The following PHF8 variants were observed in gnomAD, a reference collection of about 807,000 sequenced individuals.
PHF8 encodes the protein PHD finger protein 8.
A neutral mutation model predicts 74.4 loss-of-function variants in PHF8; 9 were observed. The observed-to-expected ratio is 0.12, with a 90% CI of 0.07 to 0.21. PHF8 has a LOEUF of 0.21. Among genes scored for constraint, PHF8 ranks in the 10% least tolerant of loss-of-function variants. The pLI, the probability that PHF8 is intolerant of heterozygous loss-of-function variation, is 1.00. For missense variants in PHF8, 478 were observed against 816.6 expected, an observed-to-expected ratio of 0.59 and a Z score of 5.05; for synonymous variants, 311 against 316.6, an observed-to-expected ratio of 0.98 and a Z score of 0.19.
At chrX:53,983,843 T>C (rs140600324) in intron 18 of PHF8, among the ~76,000 whole-genome samples, 5 of 112,062 alleles carry the variant, frequency 4.5e-5, no homozygotes, top group East Asian at 2.8e-4. Flanking sequence ...TGCACTGACA[T>C]TGAAAGAAAA....
intron 2 of PHF8, among the ~76,000 whole-genome samples, chrX:54,040,677 C>G (rs1557115618): frequency 9.0e-6 from 1 of 111,283 alleles, no homozygotes; most frequent in South Asian, 3.7e-4. Context: ...CTTGCTAGGA[C>G]ATAAAGAACA....
Position 53,937,286 on chromosome X carries a change from G to A in PHF8, c.*1872C>T, listed in dbSNP as rs1476618730. 1.8e-5 allele frequency: 2 copies of A among 111,331 alleles called. No individual in the cohort carries two copies. The highest frequency in any genetic ancestry group is 1.9e-5 in the Non-Finnish European group (1 of 53,051). 9.2% of individuals were successfully genotyped at this position (111,331 alleles called of 1,213,427 possible). On this transcript the variant is annotated 3_prime_UTR_variant, in exon 22 of 22. Transcript: ENST00000338154. ...AACAAAGAAATAGAGGGAAAAGGCCGGAATCGGGGGGATTTGCTAGCAATT... is the reference window on the plus strand; with the variant it reads ...AACAAAGAAATAGAGGGAAAAGGCCAGAATCGGGGGGATTTGCTAGCAATT...
At chrX:53,975,780 A>G (rs1276477974) in intron 18 of PHF8, among the ~76,000 whole-genome samples, 1 of 111,743 alleles carries the variant, frequency 8.9e-6, no homozygotes, top group East Asian at 2.8e-4. Flanking sequence ...GTTAGATAGA[A>G]GGAATAAATT....
At chrX:54,030,009 T>C (rs2066328465) in intron 2 of PHF8, among the ~76,000 whole-genome samples, 1 of 110,751 alleles carries the variant, frequency 9.0e-6, no homozygotes, top group Non-Finnish European at 1.9e-5. Context: ...AGCTCTAGCC[T>C]CTGGGTTTCA....
At position 53,940,303 on chromosome X, in the gene PHF8, T is replaced by C. The variant is rs969542561; in HGVS notation, c.2863A>G (p.Thr955Ala). 8.3e-7 allele frequency: 1 copy of C among 1,207,796 alleles called. No homozygotes were observed. ...ATGCCAAAGGCATTGGGACGAGCGG[T>C]GTACTCATGGTCAGCGAGACTTCCT... ...LSGSLADHEY[T>A]ARPNAFGMAQ... Residue 955 changes from threonine (T) to alanine (A), a missense_variant, in exon 21 of 22, where the codon ACC (threonine) becomes GCC (alanine). By Grantham distance (58) the Thr-to-Ala change is moderately conservative. This residue lies in a region of PHF8 where 75 missense variants were observed against 93.3 expected (regional missense o/e 0.80). Transcript: ENST00000338154.
chrX:53,943,806 G>A (rs1243669023), intron 20 of PHF8, among the ~76,000 whole-genome samples: 1 of 112,075 alleles, frequency 8.9e-6, no homozygotes, highest in Non-Finnish European at 1.9e-5. Flanking sequence ...CACCCCCTCA[G>A]GGCTTCATAT....
At chrX:53,969,190 A>G (rs2065256539) in intron 18 of PHF8, among the ~76,000 whole-genome samples, 1 of 111,176 alleles carries the variant, frequency 9.0e-6, no homozygotes, top group Admixed American at 9.6e-5. Context: ...AGCTGAGATC[A>G]TGCCACTGAA....
At chrX:54,031,507 G>A (rs1557112541) in intron 2 of PHF8, among the ~76,000 whole-genome samples, 1 of 107,495 alleles carries the variant, frequency 9.3e-6, no homozygotes, top group African/African-American at 3.4e-5. Flanking sequence ...CATATAACAG[G>A]TTTCACTGAA....
rs782095574 is a variant in PHF8, at chrX:53,993,816, G to T, written c.1411C>A (p.Pro471Thr). ...FPAGSIPLTRPAHSTSVSMSR... is the reference protein window; with the variant it reads ...FPAGSIPLTRTAHSTSVSMSR... ...ATGGACACTGAAGTGGAATGGGCTG[G>T]CCTGGTTAGGGGAATGGAGCCGGCT... The change falls in exon 13 of 22, where the codon CCA becomes ACA. Residue 471 changes from proline (P) to threonine (T), a missense_variant. Coordinates refer to ENST00000338154, the MANE Select transcript of PHF8 (RefSeq NM_015107.3). 5.0e-6 allele frequency: 6 copies of T among 1,205,510 alleles called. No homozygotes were observed. The highest frequency in any genetic ancestry group is 6.7e-6 in the Non-Finnish European group (6 of 890,635).
chrX:53,971,086 G>A (rs1235362532), intron 18 of PHF8, among the ~76,000 whole-genome samples: 5 of 111,044 alleles, frequency 4.5e-5, no homozygotes, highest in African/African-American at 1.3e-4. Flanking sequence ...TCACATAATC[G>A]GAGGTAAAAC....
chrX:53,947,695 A>C (rs2064852223), intron 19 of PHF8, among the ~76,000 whole-genome samples: 1 of 112,402 alleles, frequency 8.9e-6, no homozygotes, highest in South Asian at 3.7e-4. Context: ...AAGCTATAGA[A>C]TATGGTATAA....
intron 8 of PHF8, among the ~76,000 whole-genome samples, chrX:54,003,302 C>A (rs1557104598): frequency 9.0e-6 from 1 of 111,724 alleles, no homozygotes; most frequent in Non-Finnish European, 1.9e-5. Flanking sequence ...TGTTTGCAAA[C>A]CACTGCTCTA....
intron 4 of PHF8, among the ~76,000 whole-genome samples, chrX:54,021,957 A>T (rs985684900): frequency 9.0e-6 from 1 of 111,664 alleles, no homozygotes; most frequent in Non-Finnish European, 1.9e-5. Context: ...ATGACCAATA[A>T]TTTTTTTATA....
intron 18 of PHF8, among the ~76,000 whole-genome samples, chrX:53,970,858 G>C (rs1483018369): frequency 9.0e-6 from 1 of 111,257 alleles, no homozygotes; most frequent in Admixed American, 9.6e-5. Flanking sequence ...AGTTCGTAGA[G>C]ACCTACAAAG....
intron 8 of PHF8, among the ~76,000 whole-genome samples, chrX:54,009,839 T>A (rs782131908): frequency 8.9e-4 from 29 of 32,537 alleles, no homozygotes; most frequent in Non-Finnish European, 1.1e-3. Context: ...TGAGACTCTG[T>A]CTCAGAAAAA....
At chrX:53,953,496 C>G (rs1435134668) in intron 19 of PHF8, among the ~76,000 whole-genome samples, 1 of 108,808 alleles carries the variant, frequency 9.2e-6, no homozygotes, top group African/African-American at 3.3e-5. Context: ...TAAAAATTAG[C>G]TAGGCGTGAT....
chrX:53,985,109 C>T lies in PHF8; in HGVS notation c.2248G>A (p.Gly750Arg). 8.3e-7 allele frequency: 1 copy of T among 1,210,067 alleles called. No homozygotes were observed. The highest frequency in any genetic ancestry group is 1.8e-5 in the South Asian group (1 of 56,729). ...GAGCTCCCACTGCTTCGATCCTGTC[C>T]CCCAGTCCACCAGGCCTGCAGGCTA... ...TSSLQAWWTG[G>R]QDRSSGSSSS... The change falls in exon 18 of 22, where the codon GGA (glycine) becomes AGA (arginine). Residue 750 changes from glycine (G) to arginine (R), a missense_variant. This residue lies in a region of PHF8 where 51 missense variants were observed against 45.8 expected (regional missense o/e 1.11). Coordinates refer to ENST00000338154, the MANE Select transcript of PHF8 (RefSeq NM_015107.3).
At chrX:53,991,549 C>T (rs1557101327) in intron 14 of PHF8, among the ~76,000 whole-genome samples, 1 of 107,356 alleles carries the variant, frequency 9.3e-6, no homozygotes. Context: ...GCAGTCCCAG[C>T]TATTTGGGAG....
intron 19 of PHF8, among the ~76,000 whole-genome samples, chrX:53,952,697 C>A (rs1043532779): frequency 9.3e-6 from 1 of 107,422 alleles, no homozygotes; most frequent in Admixed American, 1.0e-4. Context: ...TCCTGGCTAA[C>A]ACGGTGAAAC....
Sources: gnomAD v4.1 joint callset for allele counts (sites outside exome capture counted in the v4.1 genomes callset) on GRCh38, gnomAD v4.1.1 for gene constraint, gnomAD v4.1.1 regional missense constraint, MANE v1.5 for transcripts, NCBI Gene and HGNC (gene_info 2026-07-23, HGNC 2026-07-21) for gene names.